Variants in SVEP1 observed in about 807,000 individuals in gnomAD.
SVEP1 encodes the protein sushi, von Willebrand factor type A, EGF and pentraxin domain containing 1, also known as sushi, von Willebrand factor type A, EGF and pentraxin domain-containing protein 1.
SVEP1 carries 164 observed loss-of-function variants against 367.3 expected under a neutral mutation model. The observed-to-expected ratio is 0.45, with a 90% CI of 0.39 to 0.51. SVEP1 has a LOEUF of 0.51. Ranked by LOEUF, SVEP1 falls within the 20% of genes least tolerant of loss-of-function variation. SVEP1 has a pLI of 0.00. For missense variants in SVEP1, 4,117 were observed against 4,425.3 expected (o/e 0.93, Z 1.98); for synonymous variants, 1,666 against 1,611.6 (o/e 1.03, Z -0.81).
chr9:110,572,789 C>CAAAAAAAA lies in SVEP1; in HGVS notation c.531+6216_531+6223dup, dbSNP rs56077443. Among the ~76,000 whole-genome samples the CAAAAAAAA allele has an allele frequency of 2.7e-3, 205 of 76,504 alleles. 10 individuals are homozygous for CAAAAAAAA. Among genetic ancestry groups the CAAAAAAAA allele is most frequent in the East Asian group, 0.016 (39 of 2,506 alleles). 50.2% of individuals were successfully genotyped at this position (76,504 alleles called of 152,430 possible). The stretch of plus-strand genomic sequence containing the variant: ...AGAGGGTGACCCTCTCTCTCTCTCA[C>CAAAAAAAA]AAAAAAAAAAAAAAAAAAAAAAAAA... On this transcript the variant is annotated intron_variant, in intron 1 of 47. Transcript: ENST00000374469.
chr9:110,473,957 AT>A (rs1218828973), intron 14 of SVEP1, among the ~76,000 whole-genome samples: 2 of 152,110 alleles, frequency 1.3e-5, no homozygotes, highest in Admixed American at 6.6e-5. Flanking sequence ...GGGTATTATA[AT>A]TCTTGTTTGT....
At chr9:110,383,611 G>A (rs921952722) in intron 43 of SVEP1, among the ~76,000 whole-genome samples, 1 of 152,180 alleles carries the variant, frequency 6.6e-6, no homozygotes, top group African/African-American at 2.4e-5. Flanking sequence ...GCTTAACAAA[G>A]CGCTCTAGCT....
intron 39 of SVEP1, 80 bp downstream of exon 39, chr9:110,404,247 G>C (rs948035795): frequency 1.5e-6 from 2 of 1,326,582 alleles, no homozygotes; most frequent in East Asian, 4.7e-5. Flanking sequence ...TTCTTTTTGG[G>C]ATTACTATTA....
At chr9:110,512,361 C>T (rs1298252174) in intron 5 of SVEP1, among the ~76,000 whole-genome samples, 3 of 151,916 alleles carry the variant, frequency 2.0e-5, no homozygotes, top group Non-Finnish European at 4.4e-5. Context: ...CAGATTGAGG[C>T]ACTATTTTTT....
chr9:110,547,723 C>T (rs542432946), intron 2 of SVEP1, among the ~76,000 whole-genome samples: 52 of 152,148 alleles, frequency 3.4e-4, no homozygotes, highest in African/African-American at 1.2e-3. Flanking sequence ...TGGCCAGAAA[C>T]ATGAACAGCA....
rs1827665940 is a variant in SVEP1 at position 110,392,136 on chromosome 9, TATA to T, written c.9823-2552_9823-2550del. On this transcript the variant is annotated intron_variant, in intron 40 of 47. Coordinates refer to ENST00000374469, the MANE Select transcript of SVEP1 (RefSeq NM_153366.4). ...TAACTTGTGACCCAATTCCTCATTATATATATATATATATATATCTCTTCTCTC... is the reference window on the plus strand; with the variant it reads ...TAACTTGTGACCCAATTCCTCATTATTATATATATATATATCTCTTCTCTC... Among the ~76,000 whole-genome samples, 4 of 145,546 alleles carry T rather than the reference TATA, an allele frequency of 2.7e-5. 1 individual carries two copies. The highest frequency in any genetic ancestry group is 6.0e-5 in the Non-Finnish European group (4 of 66,834).
chr9:110,369,611 C>T (rs1013922303), intron 47 of SVEP1: 1 of 214,450 alleles, frequency 4.7e-6, no homozygotes, highest in Non-Finnish European at 9.1e-6. Context: ...GAATGCTTCA[C>T]AAATTTGTGT....
intron 27 of SVEP1, among the ~76,000 whole-genome samples, chr9:110,438,827 A>G (rs1388221509): frequency 1.3e-5 from 2 of 152,152 alleles, no homozygotes; most frequent in Non-Finnish European, 2.9e-5. Flanking sequence ...TGCTATGCTG[A>G]ATCCTAGCCA....
At chr9:110,509,401 G>C (rs1470190949) in intron 5 of SVEP1, among the ~76,000 whole-genome samples, 1 of 152,172 alleles carries the variant, frequency 6.6e-6, no homozygotes, top group African/African-American at 2.4e-5. Context: ...TTTGTATACT[G>C]GTAAGTTAGC....
At chr9:110,468,892 A>G (rs1371370211) in intron 17 of SVEP1, 48 bp downstream of exon 17, 5 of 1,495,166 alleles carry the variant, frequency 3.3e-6, no homozygotes, top group Non-Finnish European at 3.6e-6. Context: ...CCCAAAAGGG[A>G]AACAAAAATT....
At chr9:110,564,884 A>G (rs955915389) in intron 1 of SVEP1, among the ~76,000 whole-genome samples, 2 of 151,872 alleles carry the variant, frequency 1.3e-5, no homozygotes, top group Non-Finnish European at 2.9e-5. Context: ...TTTTAAAATT[A>G]TTTTGAATAA....
chr9:110,518,773 T>C (rs1829840439), intron 3 of SVEP1, among the ~76,000 whole-genome samples: 1 of 152,148 alleles, frequency 6.6e-6, no homozygotes, highest in Non-Finnish European at 1.5e-5. Flanking sequence ...CCTCATCATC[T>C]CTCTTCTGGT....
chr9:110,572,789 CAAAAAAAAAAAAAAA>C (rs56077443), intron 1 of SVEP1, among the ~76,000 whole-genome samples: 2 of 76,522 alleles, frequency 2.6e-5, no homozygotes. Flanking sequence ...CTCTCTCTCA[CAAAAAAAAAAAAAAA>C]AAAAAAAAAA....
intron 43 of SVEP1, 32 bp downstream of exon 43, chr9:110,385,866 C>G: frequency 6.3e-7 from 1 of 1,597,798 alleles, no homozygotes. Flanking sequence ...TTCGCACTAG[C>G]GGCATGAACT....
At chr9:110,469,698 G>A (rs551467787) in intron 16 of SVEP1, among the ~76,000 whole-genome samples, 1 of 152,162 alleles carries the variant, frequency 6.6e-6, no homozygotes, top group South Asian at 2.1e-4. Flanking sequence ...ATTCTGAGAT[G>A]TTAAAAAGTG....
intron 20 of SVEP1, 89 bp from the exon 21 acceptor site, chr9:110,457,441 A>G (rs1463368302): frequency 2.0e-6 from 2 of 1,009,478 alleles, no homozygotes; most frequent in Non-Finnish European, 3.0e-6. Context: ...GCAACATTAG[A>G]CAGCTCGTTC....
chr9:110,371,757 T>C (rs1217508043), intron 46 of SVEP1, among the ~76,000 whole-genome samples: 2 of 152,232 alleles, frequency 1.3e-5, no homozygotes, highest in African/African-American at 4.8e-5. Context: ...TGTAACCAAG[T>C]AGCGTTGATT....
At chr9:110,382,074 T>C (rs574575828) in intron 43 of SVEP1, among the ~76,000 whole-genome samples, 1 of 152,270 alleles carries the variant, frequency 6.6e-6, no homozygotes, top group African/African-American at 2.4e-5. Flanking sequence ...TTAGCTCATT[T>C]ACATTTAAGG....
At chr9:110,383,511 TCTG>T in intron 43 of SVEP1, among the ~76,000 whole-genome samples, 1 of 151,558 alleles carries the variant, frequency 6.6e-6, no homozygotes, top group Non-Finnish European at 1.5e-5. Context: ...GTATAAGGTG[TCTG>T]GTGACCCCTG....
Sources: allele counts gnomAD v4.1 joint callset (sites outside exome capture counted in the v4.1 genomes callset), GRCh38; gene constraint gnomAD v4.1.1; transcripts MANE v1.5; gene names NCBI Gene and HGNC (gene_info 2026-07-23, HGNC 2026-07-21).